Variants in TTN observed in about 807,000 individuals in gnomAD.
The protein encoded by TTN is titin.
TTN carries 1,525 observed loss-of-function variants against 3,223.0 expected under a neutral mutation model. The ratio of observed to expected loss-of-function variants is 0.47; its 90% CI spans 0.45 to 0.49. The LOEUF is 0.49. Among genes scored for constraint, TTN ranks in the 20% least tolerant of loss-of-function variants. The probability of loss-of-function intolerance (pLI) is 0.00; values close to 1 mark genes in which losing one functional copy is unlikely to be tolerated. For missense variants in TTN, 40,786 were observed against 43,424.0 expected (o/e 0.94, Z 5.40); for synonymous variants, 14,094 against 15,161.0 (o/e 0.93, Z 5.17).
At position 178,574,296 on chromosome 2, in the gene TTN, C is replaced by T. The variant is rs372001011; in HGVS notation, c.71836G>A (p.Ala23946Thr). Residue 23946 changes from alanine (A) to threonine (T), a missense_variant, in exon 326 of 363, where the codon GCT becomes ACT. Ala to Thr is a moderately conservative substitution (Grantham distance 58). Transcript: ENST00000589042. ...AAGCCCCCAGTATATTCAGGCTTAG[C>T]CCATTTAAGTGTTACTGTGTGTCTT... The part of the protein sequence containing the change: ...ITRHTVTLKW[A>T]KPEYTGGFKI... The T allele has an allele frequency of 6.2e-7, 1 of 1,613,404 alleles. No individual in the cohort carries two copies. Among genetic ancestry groups the T allele is most frequent in the Non-Finnish European group, 8.5e-7 (1 of 1,179,600 alleles).
chr2:178,544,308 T>C lies in TTN; in HGVS notation c.95921A>G (p.Asp31974Gly), dbSNP rs1441974085. The change falls in exon 345 of 363, where the codon GAC (aspartate) becomes GGC (glycine). Residue 31974 changes from aspartate (D) to glycine (G), a missense_variant. Physicochemically the swap from Asp to Gly is moderately conservative, Grantham distance 94. Coordinates refer to ENST00000589042, the MANE Select transcript of TTN (RefSeq NM_001267550.2). ...TIRNTEFTVP[D>G]LKMGQKYSFR... ...GGAATATTTCTGGCCCATTTTAAGG[T>C]CTGGCACAGTGAATTCAGTATTTCT... The C allele has an allele frequency of 6.2e-7, 1 of 1,613,826 alleles. No homozygotes were observed. Among genetic ancestry groups the C allele is most frequent in the South Asian group, 1.1e-5 (1 of 91,084 alleles).
Position 178,580,429 on chromosome 2 carries a change from G to C in TTN, c.66950C>G (p.Thr22317Ser). ...GLDIKSTDFD[T>S]FLRCENVNKY... ...GTTCACATTTTCACAGCGCAAGAAAGTGTCAAAGTCAGTTGACTTTATGTC... is the reference window on the plus strand; with the variant it reads ...GTTCACATTTTCACAGCGCAAGAAACTGTCAAAGTCAGTTGACTTTATGTC... Residue 22317 changes from threonine (T) to serine (S), a missense_variant, in exon 317 of 363, where the codon ACT becomes AGT. Thr to Ser is a moderately conservative substitution (Grantham distance 58). Coordinates refer to ENST00000589042, the MANE Select transcript of TTN (RefSeq NM_001267550.2). The C allele has an allele frequency of 6.2e-7, 1 of 1,613,252 alleles. No homozygotes were observed. The highest frequency in any genetic ancestry group is 1.1e-5 in the South Asian group (1 of 91,058).
At chr2:178,553,437 C>T (rs749524020) in intron 334 of TTN, 41 bp from the exon 335 acceptor site, 51 of 1,565,770 alleles carry the variant, frequency 3.3e-5, no homozygotes, top group Admixed American at 1.7e-4. Context: ...ATTTTAAAAG[C>T]AAAAAAGAGT....
At chr2:178,735,423 T>C in intron 50 of TTN, 88 bp downstream of exon 50, 3 of 1,227,070 alleles carry the variant, frequency 2.4e-6, no homozygotes, top group South Asian at 3.4e-5. Context: ...AATAACAAAG[T>C]GTACTGACTG....
rs1703843953 is a variant in TTN, at chr2:178,561,976, G to C, written c.84156C>G (p.Val28052=). The C allele has an allele frequency of 6.2e-7, 1 of 1,613,136 alleles. No homozygotes were observed. The highest frequency in any genetic ancestry group is 8.5e-7 in the Non-Finnish European group (1 of 1,179,528). Residue 28052 remains valine (V), a synonymous_variant, in exon 326 of 363, where the codon GTC becomes GTG. Transcript: ENST00000589042. ...GACCTGGAGGTCCTGGTCTGTCAAGGACAATTATAGTAATAGGAACTGTTA... is the reference window on the plus strand; with the variant it reads ...GACCTGGAGGTCCTGGTCTGTCAAGCACAATTATAGTAATAGGAACTGTTA... The part of the protein sequence containing the change: ...GSITVPITII[V]LDRPGPPGPI...
In TTN at chr2:178,534,426, T is replaced by C. The variant is rs763261690; in HGVS notation, c.102189A>G (p.Thr34063=). The C allele has an allele frequency of 5.6e-6, 9 of 1,612,214 alleles. No individual in the cohort carries two copies. Among genetic ancestry groups the C allele is most frequent in the Middle Eastern group, 1.6e-4 (1 of 6,082 alleles). The change falls in exon 358 of 363, where the codon ACA becomes ACG. Residue 34063 remains threonine, a synonymous_variant. Coordinates refer to ENST00000589042, the MANE Select transcript of TTN (RefSeq NM_001267550.2). ...LLVKERKSRM[T]ASEALQHPWL... is the part of the protein sequence containing the mutation. ...ATGGGTGCTGGAGAGCCTCCGATGC[T>C]GTCATGCGAGATTTCCTCTCTTTCA...
chr2:178,565,302 T>C lies in TTN; in HGVS notation c.80830A>G (p.Lys26944Glu), dbSNP rs1199099522. ...ACGGTGTATTTTCCAAAGTCATCTTTGTTACCTTCTTTAATGTGCAAAACA... is the reference window on the plus strand; with the variant it reads ...ACGGTGTATTTTCCAAAGTCATCTTCGTTACCTTCTTTAATGTGCAAAACA... ...STVLHIKEGN[K>E]DDFGKYTVTA... Residue 26944 changes from lysine (K) to glutamate (E), a missense_variant, in exon 326 of 363, where the codon AAA becomes GAA. Coordinates refer to ENST00000589042, the MANE Select transcript of TTN (RefSeq NM_001267550.2). 1.2e-6 allele frequency: 2 copies of C among 1,613,694 alleles called. No individual in the cohort carries two copies. Among genetic ancestry groups the C allele is most frequent in the Admixed American group, 3.3e-5 (2 of 59,990 alleles).
chr2:178,581,759 C>T lies in TTN; in HGVS notation c.66509G>A (p.Arg22170His), dbSNP rs190711640. 7.5e-6 allele frequency: 12 copies of T among 1,605,258 alleles called. No homozygotes were observed. The highest frequency in any genetic ancestry group is 2.3e-5 in the East Asian group (1 of 44,242). The change falls in exon 316 of 363, where the codon CGC becomes CAC. Residue 22170 changes from arginine to histidine, a missense_variant. By Grantham distance (29) the Arg-to-His change is conservative (BLOSUM62 0). Transcript: ENST00000589042. The part of the protein sequence containing the change: ...PAFPKVYDTT[R>H]SSVSLSWGKP... The stretch of plus-strand genomic sequence containing the variant: ...GCCCCAAGATAGACTCACAGAGCTG[C>T]GAGTTGTATCATATACTTTAGGGAA...
rs773570018 is a variant in TTN, at chr2:178,630,238, T to TA, written c.44281+2dup. On this transcript the variant is annotated splice_region_variant and intron_variant, in intron 239 of 362. Coordinates refer to ENST00000589042, the MANE Select transcript of TTN (RefSeq NM_001267550.2). The stretch of plus-strand genomic sequence containing the variant: ...ATTTCCCTGAAAAATATACAATACT[T>TA]ACGCTTAACTCGGAGGTGGGCACTA... The TA allele has an allele frequency of 1.2e-6, 2 of 1,612,924 alleles. No homozygotes were observed. The highest frequency in any genetic ancestry group is 1.1e-5 in the South Asian group (1 of 90,938).
chr2:178,646,120 A>ATATATATATATATATATATC (rs2061940333), intron 216 of TTN, 90 bp from the exon 217 acceptor site: 1 of 133,630 alleles, frequency 7.5e-6, no homozygotes, highest in Non-Finnish European at 1.4e-5. Flanking sequence ...ATATATATAT[A>ATATATATATATATATATATC]TATATATATA....
chr2:178,779,272 C>A lies in TTN; in HGVS notation c.3920G>T (p.Gly1307Val). The change falls in exon 23 of 363, where the codon GGT (glycine) becomes GTT (valine). Residue 1307 changes from glycine (G) to valine (V), a missense_variant. By Grantham distance (109) the Gly-to-Val change is moderately radical. Transcript: ENST00000589042. ...IKNYRILEGM[G>V]VTFHCKMSGY... ...AGACATCTTGCAATGAAAAGTGACACCCATCCCCTCAAGAATTCTATAATT... is the reference window on the plus strand; with the variant it reads ...AGACATCTTGCAATGAAAAGTGACAACCATCCCCTCAAGAATTCTATAATT... The A allele has an allele frequency of 6.2e-7, 1 of 1,613,796 alleles. No individual in the cohort carries two copies.
chr2:178,553,319 T>A lies in TTN; in HGVS notation c.89581A>T (p.Ile29861Phe), dbSNP rs1384879576. 2 of 1,606,060 alleles carry A rather than the reference T, an allele frequency of 1.2e-6. No homozygotes were observed. Among genetic ancestry groups the A allele is most frequent in the Middle Eastern group, 1.7e-4 (1 of 6,058 alleles). The change falls in exon 335 of 363, where the codon ATT (isoleucine) becomes TTT (phenylalanine). Residue 29861 changes from isoleucine to phenylalanine, a missense_variant. Transcript: ENST00000589042. ...AKAGEDVQVL[I>F]PFKGRPPPTV... Reference sequence around the variant, plus strand: ...GGTGGAGGTCTGCCTTTAAAGGGAATCAACACTTGTACATCTTCACCAGCT... The same window carrying A: ...GGTGGAGGTCTGCCTTTAAAGGGAAACAACACTTGTACATCTTCACCAGCT...
intron 15 of TTN, among the ~76,000 whole-genome samples, chr2:178,785,026 G>T (rs1238147140): frequency 6.6e-6 from 1 of 152,082 alleles, no homozygotes; most frequent in African/African-American, 2.4e-5. Flanking sequence ...ACAACTGCAG[G>T]TTTTTATGTC....
In TTN at chr2:178,617,245, GAATT is replaced by G. The variant is rs778074908; in HGVS notation, c.47761-15_47761-12del. 7 of 1,535,810 alleles carry G rather than the reference GAATT, an allele frequency of 4.6e-6. No homozygotes were observed. The highest frequency in any genetic ancestry group is 1.3e-5 in the South Asian group (1 of 79,488). On this transcript the variant is annotated splice_polypyrimidine_tract_variant and intron_variant, in intron 254 of 362. Transcript: ENST00000589042. ...TTCCAATCCGGTAACCTACGATTAT[GAATT>G]AATATTTGTAAAAAACACATACAGT...
rs779332355 is a variant in TTN at position 178,773,408 on chromosome 2, A to C, written c.7595-39T>G. The C allele has an allele frequency of 1.9e-6, 3 of 1,613,858 alleles. No individual in the cohort carries two copies. In the Admixed American group the frequency reaches 5.0e-5, roughly 27 times the overall value. On this transcript the variant is annotated intron_variant, in intron 32 of 362. Transcript: ENST00000589042. Reference sequence around the variant, plus strand: ...AAAATAATCTCTTGGTTATTGTTACACTGGGAAAGTAGAATGCTTAAAGTA... The same window carrying C: ...AAAATAATCTCTTGGTTATTGTTACCCTGGGAAAGTAGAATGCTTAAAGTA...
intron 44 of TTN, chr2:178,758,610 C>T (rs2088026955): frequency 7.1e-6 from 2 of 281,228 alleles, no homozygotes; most frequent in East Asian, 8.8e-5. Flanking sequence ...AGGATGATAA[C>T]ACTCTTAGAT....
Position 178,540,383 on chromosome 2 carries a change from A to T in TTN, c.97796-13T>A. ...TTTCCTGGAGGAGCTGAGAATAAGA[A>T]TAAGAATATACTGGTTAAAGTTGCT... On this transcript the variant is annotated splice_polypyrimidine_tract_variant and intron_variant, in intron 350 of 362. Transcript: ENST00000589042. The T allele has an allele frequency of 6.2e-7, 1 of 1,603,384 alleles. No homozygotes were observed. Among genetic ancestry groups the T allele is most frequent in the Non-Finnish European group, 8.5e-7 (1 of 1,174,166 alleles).
At position 178,700,984 on chromosome 2, in the gene TTN, G is replaced by A. The variant is rs1361288194; in HGVS notation, c.30682+136C>T. 4 of 609,948 alleles carry A rather than the reference G, an allele frequency of 6.6e-6. No homozygotes were observed. In the African/African-American group the frequency reaches 7.4e-5, roughly 11 times the overall value. The allele number at this position is 609,948 out of a possible 1,614,324, so 37.8% of individuals were successfully genotyped here. A position where few individuals can be genotyped will look rare whatever the true frequency, so the allele number is the denominator to read the frequency against. On this transcript the variant is annotated intron_variant, in intron 111 of 362. Transcript: ENST00000589042. ...TACACATTTAGTTAGCTAATACTTTGAGAAAGTAATTTACATTTTGAAAGG... is the reference window on the plus strand; with the variant it reads ...TACACATTTAGTTAGCTAATACTTTAAGAAAGTAATTTACATTTTGAAAGG...
In TTN at chr2:178,689,955, T is replaced by C. The variant is rs1323584922; in HGVS notation, c.31763-59A>G. The C allele has an allele frequency of 2.1e-5, 30 of 1,412,016 alleles. No homozygotes were observed. In the East Asian group the frequency reaches 5.7e-4, roughly 27 times the overall value. The allele number at this position is 1,412,016 out of a possible 1,614,324, so 87.5% of individuals were successfully genotyped here. The stretch of plus-strand genomic sequence containing the variant: ...CATATATCACTTTTATGAAAGAACA[T>C]AGGCACATGCACAAATCTTTATGTA... On this transcript the variant is annotated intron_variant, in intron 121 of 362. Coordinates refer to ENST00000589042, the MANE Select transcript of TTN (RefSeq NM_001267550.2).
Sources: allele counts gnomAD v4.1 joint callset (sites outside exome capture counted in the v4.1 genomes callset), GRCh38; gene constraint gnomAD v4.1.1; transcripts MANE v1.5; gene names NCBI Gene and HGNC (gene_info 2026-07-23, HGNC 2026-07-21).